SLC9A9: variants seen among roughly 807,000 people sequenced by gnomAD.
SLC9A9 encodes solute carrier family 9 member A9.
A neutral mutation model predicts 77.8 loss-of-function variants in SLC9A9; 62 were observed. The ratio of observed to expected loss-of-function variants is 0.80; its 90% CI spans 0.65 to 0.98. The LOEUF (loss-of-function observed/expected upper bound fraction) is 0.98, where lower values mean the gene tolerates loss of function less well. SLC9A9 is among the 50% of genes least tolerant of loss of function. SLC9A9 has a pLI of 0.00. For missense variants in SLC9A9, 775 were observed against 774.9 expected (o/e 1.00, Z 0.00); for synonymous variants, 320 against 283.5 (o/e 1.13, Z -1.29).
At chr3:143,768,829 C>A (rs1257684742) in intron 4 of SLC9A9, among the ~76,000 whole-genome samples, 8 of 152,160 alleles carry the variant, frequency 5.3e-5, no homozygotes. Context: ...AGACTCTTGC[C>A]ACTGTGCAAC....
chr3:143,469,707 T>C (rs1223264728), intron 11 of SLC9A9, among the ~76,000 whole-genome samples: 1 of 152,218 alleles, frequency 6.6e-6, no homozygotes, highest in African/African-American at 2.4e-5. Flanking sequence ...AGACTTAATA[T>C]GTTTTGCCTG....
Position 143,578,732 on chromosome 3 carries a change from A to C in SLC9A9, c.756-9T>G, listed in dbSNP as rs1162162011. ...TGTAAATGGATATAGAACTGAAAAG[A>C]GAAGAGGGTGGAGGTTAGTTAGTGA... On this transcript the variant is annotated splice_polypyrimidine_tract_variant and intron_variant, in intron 6 of 15. Coordinates refer to ENST00000316549, the MANE Select transcript of SLC9A9 (RefSeq NM_173653.4). 1.2e-6 allele frequency: 2 copies of C among 1,613,780 alleles called. No individual in the cohort carries two copies. The highest frequency in any genetic ancestry group is 1.7e-6 in the Non-Finnish European group (2 of 1,179,842).
chr3:143,573,995 T>C, intron 8 of SLC9A9, 93 bp downstream of exon 8: 1 of 1,091,364 alleles, frequency 9.2e-7, no homozygotes, highest in South Asian at 1.3e-5. Flanking sequence ...AAGAGAGACT[T>C]CATTTCACCT....
intron 13 of SLC9A9, among the ~76,000 whole-genome samples, chr3:143,367,353 C>T (rs1359215052): frequency 2.0e-5 from 3 of 152,102 alleles, no homozygotes; most frequent in Admixed American, 6.5e-5. Flanking sequence ...AATATGTTTT[C>T]CCAGGTGGGG....
At chr3:143,731,416 G>A (rs1013035721) in intron 4 of SLC9A9, among the ~76,000 whole-genome samples, 3 of 152,156 alleles carry the variant, frequency 2.0e-5, no homozygotes, top group African/African-American at 7.2e-5. Flanking sequence ...GTAAAGGGAT[G>A]GAGATAGTGC....
chr3:143,661,911 G>A (rs112666087), intron 5 of SLC9A9, among the ~76,000 whole-genome samples: 11 of 124,076 alleles, frequency 8.9e-5, no homozygotes, highest in African/African-American at 3.4e-4. Context: ...ACTACTTATC[G>A]AGCACCTGCT....
At chr3:143,619,491 G>A (rs2038161936) in intron 6 of SLC9A9, among the ~76,000 whole-genome samples, 1 of 152,144 alleles carries the variant, frequency 6.6e-6, no homozygotes. Context: ...TCCATGCATA[G>A]CAGTCAAATA....
intron 6 of SLC9A9, among the ~76,000 whole-genome samples, chr3:143,596,836 T>G (rs1365075808): frequency 6.6e-6 from 1 of 152,056 alleles, no homozygotes; most frequent in Non-Finnish European, 1.5e-5. Flanking sequence ...CTAAGTTTTA[T>G]TTTTTGTAGA....
At chr3:143,324,228 G>C (rs1033829754) in intron 14 of SLC9A9, among the ~76,000 whole-genome samples, 1 of 151,988 alleles carries the variant, frequency 6.6e-6, no homozygotes, top group Non-Finnish European at 1.5e-5. Context: ...GAGCAAGGTG[G>C]GGTCATTGCA....
At chr3:143,481,055 G>A (rs1329997758) in intron 11 of SLC9A9, among the ~76,000 whole-genome samples, 3 of 152,172 alleles carry the variant, frequency 2.0e-5, no homozygotes, top group African/African-American at 7.2e-5. Flanking sequence ...AACTTTAGTT[G>A]GGTATATCAT....
intron 12 of SLC9A9, among the ~76,000 whole-genome samples, chr3:143,405,104 G>A (rs1026140647): frequency 1.3e-5 from 2 of 152,216 alleles, no homozygotes; most frequent in African/African-American, 4.8e-5. Flanking sequence ...CCCCAGGCAT[G>A]AATGTGATCC....
At chr3:143,535,634 A>G (rs549273833) in intron 9 of SLC9A9, among the ~76,000 whole-genome samples, 1 of 152,296 alleles carries the variant, frequency 6.6e-6, no homozygotes, top group South Asian at 2.1e-4. Context: ...GGTGCTTTTC[A>G]CTGGGGAAGG....
intron 4 of SLC9A9, among the ~76,000 whole-genome samples, chr3:143,738,695 A>C (rs1935002324): frequency 6.6e-6 from 1 of 152,152 alleles, no homozygotes; most frequent in Non-Finnish European, 1.5e-5. Flanking sequence ...GACCCAGGAC[A>C]CTTGTAGTTC....
At chr3:143,302,760 C>T (rs2030584150) in intron 14 of SLC9A9, among the ~76,000 whole-genome samples, 1 of 152,220 alleles carries the variant, frequency 6.6e-6, no homozygotes, top group Non-Finnish European at 1.5e-5. Flanking sequence ...CGAGGAGTGA[C>T]TCAGGCTCAA....
At chr3:143,505,997 T>C (rs967468219) in intron 9 of SLC9A9, among the ~76,000 whole-genome samples, 19 of 152,230 alleles carry the variant, frequency 1.2e-4, no homozygotes, top group Non-Finnish European at 2.9e-5. Context: ...AAAAAAAATT[T>C]TGCTATTAAA....
chr3:143,316,320 G>A (rs1423547660), intron 14 of SLC9A9, among the ~76,000 whole-genome samples: 1 of 152,178 alleles, frequency 6.6e-6, no homozygotes, highest in African/African-American at 2.4e-5. Flanking sequence ...TGTAATTACG[G>A]CATAATCTCT....
chr3:143,558,711 C>T (rs56674029), intron 8 of SLC9A9, among the ~76,000 whole-genome samples: 5,406 of 152,204 alleles, frequency 0.036, 140 homozygotes, highest in South Asian at 0.092. Flanking sequence ...TTTGATTTTA[C>T]AGGCTCATAG....
intron 13 of SLC9A9, among the ~76,000 whole-genome samples, chr3:143,366,575 T>C (rs1311707623): frequency 1.3e-5 from 2 of 152,222 alleles, no homozygotes; most frequent in African/African-American, 4.8e-5. Flanking sequence ...GTCTCTTAGG[T>C]CCTAATCATA....
chr3:143,698,303 C>A (rs12485245), intron 4 of SLC9A9, among the ~76,000 whole-genome samples: 65,059 of 151,958 alleles, frequency 0.43, 14,115 homozygotes, highest in South Asian at 0.61. Context: ...AAACTAAAAT[C>A]ATTAATAACA....
Sources: allele counts gnomAD v4.1 joint callset (sites outside exome capture counted in the v4.1 genomes callset), GRCh38; gene constraint gnomAD v4.1.1; transcripts MANE v1.5; gene names NCBI Gene and HGNC (gene_info 2026-07-23, HGNC 2026-07-21).